The following CCDC141 variants were observed in gnomAD, a reference collection of about 807,000 sequenced individuals.
CCDC141 encodes the protein coiled-coil domain-containing protein 141.
CCDC141 carries 168 observed loss-of-function variants against 181.0 expected under a neutral mutation model. The ratio of observed to expected loss-of-function variants is 0.93; its 90% CI spans 0.82 to 1.05. The LOEUF is 1.05. CCDC141 is among the 50% of genes least tolerant of loss of function. The pLI, the probability that CCDC141 is intolerant of heterozygous loss-of-function variation, is 0.00. For synonymous variants in CCDC141, 666 were observed against 642.3 expected (o/e 1.04, Z -0.56); for missense variants, 1,902 against 1,788.5 (o/e 1.06, Z -1.14).
At chr2:179,015,150 TATCTCATATAC>T (rs2042428312) in intron 2 of CCDC141, among the ~76,000 whole-genome samples, 1 of 99,792 alleles carries the variant, frequency 1.0e-5, no homozygotes, top group Non-Finnish European at 1.9e-5. Flanking sequence ...TATATCAATA[TATCTCATATAC>T]ATCTCATATA....
chr2:178,903,457 G>A (rs1157387356), intron 8 of CCDC141, among the ~76,000 whole-genome samples: 2 of 151,894 alleles, frequency 1.3e-5, no homozygotes, highest in Non-Finnish European at 2.9e-5. Context: ...TCCTTTGTAG[G>A]GACATGGATG....
intron 7 of CCDC141, among the ~76,000 whole-genome samples, chr2:178,911,892 G>A (rs1688235168): frequency 6.6e-6 from 1 of 151,986 alleles, no homozygotes; most frequent in South Asian, 2.1e-4. Context: ...AGCAAGACCT[G>A]CCTTCTCAGA....
chr2:178,842,280 C>T (rs1049192334), intron 22 of CCDC141, among the ~76,000 whole-genome samples: 1 of 152,110 alleles, frequency 6.6e-6, no homozygotes, highest in African/African-American at 2.4e-5. Flanking sequence ...TTGTTGATTC[C>T]TTTTTCTTTT....
intron 5 of CCDC141, among the ~76,000 whole-genome samples, chr2:178,947,727 T>C (rs569077761): frequency 6.6e-6 from 1 of 152,274 alleles, no homozygotes; most frequent in South Asian, 2.1e-4. Flanking sequence ...AAGAGCTGCC[T>C]TGAAAGTTAA....
Position 178,834,201 on chromosome 2 carries a change from G to A in CCDC141, c.4565C>T (p.Ser1522Phe), listed in dbSNP as rs892049188. Residue 1522 changes from serine to phenylalanine, a missense_variant, in exon 24 of 24, where the codon TCC (serine) becomes TTC (phenylalanine). Physicochemically the swap from Ser to Phe is radical, Grantham distance 155. Coordinates refer to ENST00000443758, the MANE Select transcript of CCDC141 (RefSeq NM_173648.4). The part of the protein sequence containing the change: ...ITLCVVYVSV[S>F]LMYWLLTQ ...TTGTGTGAGGAGCCAGTACATTAGGGACACACTAACATAGACGACACACAG... is the reference window on the plus strand; with the variant it reads ...TTGTGTGAGGAGCCAGTACATTAGGAACACACTAACATAGACGACACACAG... 47 of 1,536,104 alleles carry A rather than the reference G, an allele frequency of 3.1e-5. No homozygotes were observed. The highest frequency in any genetic ancestry group is 3.9e-5 in the Non-Finnish European group (45 of 1,146,816).
At chr2:179,038,579 G>T (rs887200983) in intron 2 of CCDC141, among the ~76,000 whole-genome samples, 1 of 152,066 alleles carries the variant, frequency 6.6e-6, no homozygotes, top group African/African-American at 2.4e-5. Flanking sequence ...TATTTCAGAC[G>T]AACACCAGAA....
intron 6 of CCDC141, among the ~76,000 whole-genome samples, chr2:178,919,607 T>C (rs552286846): frequency 6.6e-6 from 1 of 152,336 alleles, no homozygotes. Flanking sequence ...TTTTGTCCGA[T>C]GTGTATTCAT....
chr2:178,939,808 G>A (rs1054507413), intron 6 of CCDC141, among the ~76,000 whole-genome samples: 3 of 152,074 alleles, frequency 2.0e-5, no homozygotes, highest in Non-Finnish European at 4.4e-5. Context: ...CCTAATTGTA[G>A]CAAAAGAAGT....
At chr2:178,846,392 A>G (rs570525062) in intron 21 of CCDC141, among the ~76,000 whole-genome samples, 1 of 152,232 alleles carries the variant, frequency 6.6e-6, no homozygotes, top group African/African-American at 2.4e-5. Flanking sequence ...GGTATCACAC[A>G]TGATAGAACA....
intron 2 of CCDC141, among the ~76,000 whole-genome samples, chr2:179,033,969 T>C (rs77574984): frequency 0.042 from 6,448 of 152,266 alleles, 472 homozygotes; most frequent in African/African-American, 0.15. Flanking sequence ...AAGCATAAAT[T>C]ACTAATTTAA....
chr2:178,968,901 T>C (rs1690754044), intron 4 of CCDC141, among the ~76,000 whole-genome samples: 3 of 151,952 alleles, frequency 2.0e-5, no homozygotes, highest in Admixed American at 2.0e-4. Context: ...ATATAGGGCA[T>C]ATCACCACTG....
At chr2:178,901,307 A>G (rs1687676078) in intron 8 of CCDC141, among the ~76,000 whole-genome samples, 1 of 152,194 alleles carries the variant, frequency 6.6e-6, no homozygotes, top group Admixed American at 6.5e-5. Flanking sequence ...CAACCAAAAA[A>G]GAGAATTTTA....
intron 4 of CCDC141, among the ~76,000 whole-genome samples, chr2:178,969,555 C>G (rs568404489): frequency 1.3e-5 from 2 of 152,230 alleles, no homozygotes; most frequent in African/African-American, 4.8e-5. Context: ...GCAGAAAAGG[C>G]CTTCAACAAA....
chr2:179,028,527 C>T (rs1362951332), intron 2 of CCDC141, among the ~76,000 whole-genome samples: 1 of 152,152 alleles, frequency 6.6e-6, no homozygotes. Context: ...TGTCAGTGAC[C>T]TCCAATCTGC....
intron 5 of CCDC141, among the ~76,000 whole-genome samples, chr2:178,953,684 C>A (rs2154378179): frequency 6.6e-6 from 1 of 152,252 alleles, no homozygotes; most frequent in South Asian, 2.1e-4. Flanking sequence ...GGTTTAGTAT[C>A]CCCATTTCAA....
At chr2:178,847,259 G>A (rs1323384182) in intron 21 of CCDC141, among the ~76,000 whole-genome samples, 2 of 152,160 alleles carry the variant, frequency 1.3e-5, no homozygotes, top group Middle Eastern at 3.2e-3. Context: ...GCCAGGTGCG[G>A]TGGCTCACAC....
chr2:178,884,063 T>C (rs909469203), intron 11 of CCDC141, among the ~76,000 whole-genome samples: 15 of 152,186 alleles, frequency 9.9e-5, no homozygotes, highest in African/African-American at 3.4e-4. Context: ...TTTGAAATAA[T>C]TTTGTTGTAT....
At position 178,989,639 on chromosome 2, in the gene CCDC141, A is replaced by T. The variant is rs912398937; in HGVS notation, c.226-10964T>A. Among the ~76,000 whole-genome samples, 19 of 149,866 alleles carry T rather than the reference A, an allele frequency of 1.3e-4. No individual in the cohort carries two copies. The East Asian group carries it at 3.5e-3, about 28-fold the overall frequency. On this transcript the variant is annotated intron_variant, in intron 2 of 23. Coordinates refer to ENST00000443758, the MANE Select transcript of CCDC141 (RefSeq NM_173648.4). Reference sequence around the variant, plus strand: ...AAATAAATAAATAAATAAATAAATAAATAAAACAATAGAAAGGACAACAAT... The same window carrying T: ...AAATAAATAAATAAATAAATAAATATATAAAACAATAGAAAGGACAACAAT...
At chr2:179,019,324 A>T (rs975979106) in intron 2 of CCDC141, among the ~76,000 whole-genome samples, 11 of 151,886 alleles carry the variant, frequency 7.2e-5, no homozygotes, top group South Asian at 2.1e-4. Context: ...TATATTTATA[A>T]AAAAAAAGAA....
Sources: gnomAD v4.1 joint callset for allele counts (sites outside exome capture counted in the v4.1 genomes callset) on GRCh38, gnomAD v4.1.1 for gene constraint, MANE v1.5 for transcripts, NCBI Gene and HGNC (gene_info 2026-07-23, HGNC 2026-07-21) for gene names.